The following TMEFF1 variants were observed in gnomAD, a reference collection of about 807,000 sequenced individuals.
TMEFF1 encodes tomoregulin-1.
A neutral mutation model predicts 47.5 loss-of-function variants in TMEFF1; 20 were observed. That is an observed-to-expected ratio of 0.42 (90% CI 0.30 to 0.61). The LOEUF (loss-of-function observed/expected upper bound fraction) is 0.61. TMEFF1 is among the 20% of genes least tolerant of loss of function. TMEFF1 has a pLI of 0.19. For synonymous variants in TMEFF1, 162 were observed against 166.3 expected, an observed-to-expected ratio of 0.97 and a Z score of 0.20; for missense variants, 411 against 471.1, an observed-to-expected ratio of 0.87 and a Z score of 1.18.
At chr9:100,542,877 A>G (rs78341332) in intron 5 of TMEFF1, among the ~76,000 whole-genome samples, 2,632 of 149,730 alleles carry the variant, frequency 0.018, 78 homozygotes, top group African/African-American at 0.061. Flanking sequence ...TGGAATGCTA[A>G]TGAGATTTTT....
chr9:100,507,027 C>G (rs528613204), intron 2 of TMEFF1, among the ~76,000 whole-genome samples: 2 of 152,186 alleles, frequency 1.3e-5, no homozygotes, highest in Admixed American at 1.3e-4. Context: ...TTCTCCCTCT[C>G]TCCCCACTGT....
intron 5 of TMEFF1, among the ~76,000 whole-genome samples, chr9:100,543,113 A>T (rs1838664954): frequency 6.6e-6 from 1 of 151,920 alleles, no homozygotes; most frequent in Admixed American, 6.6e-5. Flanking sequence ...TTTTTAGTAG[A>T]GACAGGGTGT....
At chr9:100,507,311 C>T (rs1277524018) in intron 2 of TMEFF1, among the ~76,000 whole-genome samples, 3 of 152,084 alleles carry the variant, frequency 2.0e-5, no homozygotes, top group Admixed American at 6.6e-5. Flanking sequence ...AATAGTGCTG[C>T]GATGAACATA....
intron 5 of TMEFF1, among the ~76,000 whole-genome samples, chr9:100,546,432 C>A (rs1838733370): frequency 1.3e-5 from 2 of 150,958 alleles, no homozygotes; most frequent in African/African-American, 2.4e-5. Flanking sequence ...AATTCAATCC[C>A]CCCCCCACCA....
chr9:100,504,955 A>T (rs1837828772), intron 2 of TMEFF1, among the ~76,000 whole-genome samples: 1 of 152,212 alleles, frequency 6.6e-6, no homozygotes, highest in Non-Finnish European at 1.5e-5. Flanking sequence ...TAAACACATG[A>T]TTAAAGAAAT....
Position 100,515,072 on chromosome 9 carries a change from G to C in TMEFF1, c.464-1603G>C, listed in dbSNP as rs537520475. ...TCTCAGCTACTTTGGAGGCTAAAGC[G>C]GGAGGATTGCTTGAGCCCAGGAGGT... On this transcript the variant is annotated intron_variant, in intron 4 of 9. Coordinates refer to ENST00000374879, the MANE Select transcript of TMEFF1 (RefSeq NM_003692.5). Among the ~76,000 whole-genome samples, 26 of 152,100 alleles carry C rather than the reference G, an allele frequency of 1.7e-4. 1 individual carries two copies. The highest frequency in any genetic ancestry group is 3.2e-4 in the Non-Finnish European group (22 of 68,012).
At chr9:100,566,580 A>G (rs1587859005) in intron 8 of TMEFF1, among the ~76,000 whole-genome samples, 1 of 152,226 alleles carries the variant, frequency 6.6e-6, no homozygotes, top group East Asian at 1.9e-4. Flanking sequence ...ACTTCTCACC[A>G]TTGCCAGTGC....
intron 3 of TMEFF1, among the ~76,000 whole-genome samples, chr9:100,512,963 TA>T (rs1329056948): frequency 6.6e-6 from 1 of 152,094 alleles, no homozygotes; most frequent in African/African-American, 2.4e-5. Context: ...TAACAAAAAC[TA>T]AAATTTTCTC....
At chr9:100,514,866 G>A (rs1272944628) in intron 4 of TMEFF1, among the ~76,000 whole-genome samples, 2 of 151,952 alleles carry the variant, frequency 1.3e-5, no homozygotes, top group African/African-American at 4.8e-5. Context: ...GTGGTGGTGG[G>A]CGCCTGTAAT....
chr9:100,473,889 C>T lies in TMEFF1; in HGVS notation c.196+149C>T. The T allele has an allele frequency of 9.7e-7, 1 of 1,032,956 alleles. No individual in the cohort carries two copies. The highest frequency in any genetic ancestry group is 1.3e-6 in the Non-Finnish European group (1 of 776,434). 64.0% of individuals were successfully genotyped at this position (1,032,956 alleles called of 1,614,324 possible). A position where few individuals can be genotyped will look rare whatever the true frequency, so the allele number is the denominator to read the frequency against. On this transcript the variant is annotated intron_variant, in intron 1 of 9. Transcript: ENST00000374879. This position sits in a 1 kb window ranked among gnomAD's most constrained non-coding sequence, Gnocchi z 5.4. ...GTGAGCGAGGGCGGAGGGCAGGGCG[C>T]GAGCGTGCGGTGTGGCTTTGGGACC... is the stretch of plus-strand genomic sequence containing the variant.
In TMEFF1 at chr9:100,473,520, T is replaced by A. The variant is rs961293046; in HGVS notation, c.-25T>A. 2.1e-6 allele frequency: 3 copies of A among 1,399,918 alleles called. No homozygotes were observed. The Admixed American group carries it at 9.3e-5, about 43-fold the overall frequency. The allele number at this position is 1,399,918 out of a possible 1,614,324, so 86.7% of individuals were successfully genotyped here. On this transcript the variant is annotated 5_prime_UTR_variant, in exon 1 of 10. Coordinates refer to ENST00000374879, the MANE Select transcript of TMEFF1 (RefSeq NM_003692.5). This position sits in a 1 kb window ranked among gnomAD's most constrained non-coding sequence, Gnocchi z 5.4. ...GCCCCCGGCCTGCGGCTCCCTGCGC[T>A]TCCCGCCGTCCAGGGGCACCAGTCA...
intron 5 of TMEFF1, among the ~76,000 whole-genome samples, chr9:100,531,396 A>C (rs1306586866): frequency 6.6e-6 from 1 of 152,218 alleles, no homozygotes; most frequent in Non-Finnish European, 1.5e-5. Flanking sequence ...AAGTCTCAGG[A>C]TACAAAATCA....
chr9:100,549,704 C>G lies in TMEFF1; in HGVS notation c.710-391C>G, dbSNP rs919041121. On this transcript the variant is annotated intron_variant, in intron 6 of 9. Coordinates refer to ENST00000374879, the MANE Select transcript of TMEFF1 (RefSeq NM_003692.5). ...GTTTCATAACACAGCAGAGATTCCC[C>G]ATTTATCTTAATCTGATATTTCCAG... Among the ~76,000 whole-genome samples the G allele has an allele frequency of 2.0e-5, 3 of 152,256 alleles. No homozygotes were observed. The East Asian group carries it at 5.8e-4, about 29-fold the overall frequency.
chr9:100,485,166 T>A (rs1346221388), intron 1 of TMEFF1, among the ~76,000 whole-genome samples: 2 of 152,226 alleles, frequency 1.3e-5, no homozygotes, highest in African/African-American at 2.4e-5. Context: ...GTCTCGATAA[T>A]ACCACATTTT....
chr9:100,482,386 C>T (rs977398145), intron 1 of TMEFF1, among the ~76,000 whole-genome samples: 5 of 151,580 alleles, frequency 3.3e-5, no homozygotes, highest in Admixed American at 1.3e-4. Context: ...TTAGTAGAGA[C>T]GGGTTTTCAC....
intron 5 of TMEFF1, among the ~76,000 whole-genome samples, chr9:100,537,774 G>A (rs571545871): frequency 6.0e-4 from 91 of 152,062 alleles, no homozygotes; most frequent in Non-Finnish European, 1.0e-3. Flanking sequence ...ATTTGTCTGC[G>A]CCCCTCCCTT....
chr9:100,503,479 G>C (rs11794817), intron 2 of TMEFF1, among the ~76,000 whole-genome samples: 4,433 of 150,794 alleles, frequency 0.029, 82 homozygotes, highest in African/African-American at 0.035. Flanking sequence ...GCTCTTGCTA[G>C]GTGCCATGCC....
intron 7 of TMEFF1, among the ~76,000 whole-genome samples, chr9:100,554,964 C>G (rs747376187): frequency 6.6e-6 from 1 of 151,994 alleles, no homozygotes; most frequent in East Asian, 1.9e-4. Context: ...ACTGTTGGAC[C>G]AGGACAGATA....
chr9:100,498,925 A>G (rs1837708708), intron 2 of TMEFF1, 51 bp downstream of exon 2: 2 of 1,562,862 alleles, frequency 1.3e-6, no homozygotes, highest in African/African-American at 2.8e-5. Flanking sequence ...CGTATTTTAT[A>G]ATTCTAAATT....
Sources: allele counts gnomAD v4.1 joint callset (sites outside exome capture counted in the v4.1 genomes callset), GRCh38; gene constraint gnomAD v4.1.1; non-coding constraint Gnocchi (gnomAD v3.1); transcripts MANE v1.5; gene names NCBI Gene and HGNC (gene_info 2026-07-23, HGNC 2026-07-21).